FGF14: variants seen among roughly 807,000 people sequenced by gnomAD.
FGF14 encodes the protein fibroblast growth factor homologous factor 4.
In FGF14, 5 loss-of-function variants were observed where a neutral mutation model predicts 25.5. The ratio of observed to expected loss-of-function variants is 0.20; its 90% confidence interval spans 0.10 to 0.41. The LOEUF is 0.41. Among genes scored for constraint, FGF14 ranks in the 10% least tolerant of loss-of-function variants. FGF14 has a pLI of 1.00. For synonymous variants in FGF14, 138 were observed against 118.3 expected (o/e 1.17, Z -1.08); for missense variants, 222 against 320.1 (o/e 0.69, Z 2.34).
chr13:101,802,846 C>T (rs949080258), intron 3 of FGF14, among the ~76,000 whole-genome samples: 3 of 152,114 alleles, frequency 2.0e-5, no homozygotes, highest in Non-Finnish European at 2.9e-5. Flanking sequence ...GGTGTACATA[C>T]ATATCTTTTG....
At chr13:102,247,936 G>A (rs999339680) in intron 1 of FGF14, among the ~76,000 whole-genome samples, 11 of 152,150 alleles carry the variant, frequency 7.2e-5, no homozygotes, top group Non-Finnish European at 1.5e-5. Flanking sequence ...CATGTCCTTT[G>A]CAGGAATGTG....
rs542672008 is a variant in FGF14, at chr13:101,927,772, C to A, written c.209-52476G>T. ...GGGGATCATTTCTTTGACTCCTACA[C>A]ACTCCTGGCTTTCCCAACACACAGC... On this transcript the variant is annotated intron_variant, in intron 1 of 4. Coordinates refer to the FGF14 transcript ENST00000376131. Among the ~76,000 whole-genome samples, 16 of 152,244 alleles carry A rather than the reference C, an allele frequency of 1.1e-4. No homozygotes were observed. The South Asian group carries it at 3.3e-3, about 32-fold the overall frequency.
At chr13:102,323,850 G>C (rs753994138) in intron 1 of FGF14, among the ~76,000 whole-genome samples, 9 of 151,984 alleles carry the variant, frequency 5.9e-5, no homozygotes, top group Non-Finnish European at 1.0e-4. Context: ...TACAACTAAA[G>C]GAAACAAATT....
At chr13:101,808,157 G>T (rs1475120757) in intron 3 of FGF14, among the ~76,000 whole-genome samples, 1 of 151,964 alleles carries the variant, frequency 6.6e-6, no homozygotes, top group African/African-American at 2.4e-5. Flanking sequence ...CAAAAAAGTA[G>T]CAAATAGAAA....
intron 1 of FGF14, among the ~76,000 whole-genome samples, chr13:102,072,451 T>C (rs1253382966): frequency 6.6e-6 from 1 of 152,146 alleles, no homozygotes; most frequent in Non-Finnish European, 1.5e-5. Flanking sequence ...AGAACAAAAG[T>C]AGCAATTAAT....
At chr13:102,357,505 A>G (rs902265371) in intron 1 of FGF14, among the ~76,000 whole-genome samples, 2 of 152,224 alleles carry the variant, frequency 1.3e-5, no homozygotes, top group African/African-American at 4.8e-5. Flanking sequence ...ATGCAACTCA[A>G]TGTAGCTGTT....
intron 1 of FGF14, among the ~76,000 whole-genome samples, chr13:102,120,668 C>T (rs530117809): frequency 2.0e-5 from 3 of 151,876 alleles, no homozygotes; most frequent in East Asian, 3.9e-4. Context: ...TACAACACAG[C>T]ATAGCCTTGC....
chr13:101,810,675 C>T (rs1412964340), intron 3 of FGF14, among the ~76,000 whole-genome samples: 1 of 152,216 alleles, frequency 6.6e-6, no homozygotes, highest in Non-Finnish European at 1.5e-5. Context: ...CCTGATAGGA[C>T]ATTTTTGACA....
intron 1 of FGF14, among the ~76,000 whole-genome samples, chr13:102,161,679 G>GTC (rs1566765686): frequency 0.045 from 2,743 of 60,854 alleles, 233 homozygotes; most frequent in African/African-American, 0.12. Context: ...AGAAGAAGAA[G>GTC]AAGAAGAAGA....
chr13:102,136,860 G>A (rs2046435324), intron 1 of FGF14, among the ~76,000 whole-genome samples: 1 of 152,148 alleles, frequency 6.6e-6, no homozygotes, highest in Non-Finnish European at 1.5e-5. Flanking sequence ...AGAAAACAAT[G>A]ATCCAGAGCT....
intron 1 of FGF14, among the ~76,000 whole-genome samples, chr13:102,218,382 G>C (rs79685827): frequency 0.033 from 4,958 of 152,128 alleles, 236 homozygotes; most frequent in African/African-American, 0.11. Context: ...ACGTGGGAGA[G>C]CACAGCTGGC....
chr13:102,158,230 T>C (rs573323797), intron 1 of FGF14, among the ~76,000 whole-genome samples: 93 of 152,304 alleles, frequency 6.1e-4, no homozygotes, highest in Non-Finnish European at 1.1e-3. Context: ...CGTATGTTTA[T>C]TGCGGCACTA....
At chr13:102,281,556 G>A (rs1421819986) in intron 1 of FGF14, among the ~76,000 whole-genome samples, 2 of 152,042 alleles carry the variant, frequency 1.3e-5, no homozygotes, top group Non-Finnish European at 2.9e-5. Flanking sequence ...ATCAAAACCA[G>A]CAATCTTCTC....
chr13:102,089,473 C>T (rs574611240), intron 1 of FGF14, among the ~76,000 whole-genome samples: 16 of 152,242 alleles, frequency 1.1e-4, no homozygotes, highest in Admixed American at 5.2e-4. Flanking sequence ...TGGATAAAAT[C>T]ATGTTTTGGA....
intron 3 of FGF14, among the ~76,000 whole-genome samples, chr13:101,811,588 A>G (rs906623826): frequency 3.9e-5 from 6 of 152,206 alleles, no homozygotes; most frequent in African/African-American, 1.4e-4. Context: ...TGCATTTTTT[A>G]TGTGTACACA....
chr13:101,815,010 A>T (rs897200793), intron 3 of FGF14, among the ~76,000 whole-genome samples: 3 of 152,256 alleles, frequency 2.0e-5, no homozygotes, highest in Non-Finnish European at 4.4e-5. Flanking sequence ...TTCTGGCAAC[A>T]TGTGTACCAA....
intron 3 of FGF14, among the ~76,000 whole-genome samples, chr13:101,845,703 C>A (rs9518580): frequency 6.6e-6 from 1 of 151,756 alleles, no homozygotes; most frequent in Non-Finnish European, 1.5e-5. Flanking sequence ...GCACCAGAGG[C>A]GTAAATGAGG....
intron 1 of FGF14, among the ~76,000 whole-genome samples, chr13:101,941,558 T>C (rs2035452739): frequency 6.6e-6 from 1 of 152,208 alleles, no homozygotes; most frequent in Admixed American, 6.6e-5. Flanking sequence ...GAGAGTTCCA[T>C]TTCCTGGGCC....
intron 1 of FGF14, among the ~76,000 whole-genome samples, chr13:102,351,473 T>C (rs575772499): frequency 6.6e-6 from 1 of 152,198 alleles, no homozygotes; most frequent in Non-Finnish European, 1.5e-5. Context: ...CAGGGTTTTG[T>C]GGGTGTATTA....
Sources: gnomAD v4.1 joint callset for allele counts (sites outside exome capture counted in the v4.1 genomes callset) on GRCh38, gnomAD v4.1.1 for gene constraint, MANE v1.5 for transcripts, NCBI Gene and HGNC (gene_info 2026-07-23, HGNC 2026-07-21) for gene names.